The following NOL12 variants were observed in gnomAD, a reference collection of about 807,000 sequenced individuals.
NOL12 encodes the protein nucleolar protein 12.
Under a neutral mutation model 25.2 loss-of-function variants are expected in NOL12, and 21 were observed. The observed-to-expected ratio is 0.83, with a 90% CI of 0.59 to 1.20. NOL12 has a LOEUF of 1.20. Ranked by LOEUF, NOL12 falls within the 50% of genes most tolerant of loss-of-function variation. The pLI is 0.00. For synonymous variants in NOL12, 133 were observed against 113.8 expected (o/e 1.17, Z -1.08); for missense variants, 286 against 287.6 (o/e 0.99, Z 0.04).
In NOL12 at chr22:37,693,425, A is replaced by C. The variant is rs896929382; in HGVS notation, c.*2089A>C. 6.6e-6 allele frequency: 1 copy of C among 152,386 alleles called. No homozygotes were observed. The highest frequency in any genetic ancestry group is 1.5e-5 in the Non-Finnish European group (1 of 68,030). 9.4% of individuals were successfully genotyped at this position (152,386 alleles called of 1,614,324 possible). Reference sequence around the variant, plus strand: ...CCAGTGACAAGGTCATTTACAACTTACATTTACAATTTATAGTGTTTACCA... The same window carrying C: ...CCAGTGACAAGGTCATTTACAACTTCCATTTACAATTTATAGTGTTTACCA... On this transcript the variant is annotated 3_prime_UTR_variant, in exon 6 of 6. Transcript: ENST00000359114.
rs150449184 is a variant in NOL12 at position 37,688,896 on chromosome 22, G to A, written c.285G>A (p.Ser95=). The change falls in exon 4 of 6, where the codon TCG becomes TCA. Residue 95 remains serine (S), a synonymous_variant. Transcript: ENST00000359114. ...GGTTGGTGACAGCAAAGACGGAGTC[G>A]GTGCAGTATGACCACCCCAACCACA... ...LDRLVTAKTE[S]VQYDHPNHTV... 66 of 1,613,956 alleles carry A rather than the reference G, an allele frequency of 4.1e-5. No homozygotes were observed. Among genetic ancestry groups the A allele is most frequent in the African/African-American group, 3.9e-4 (29 of 75,004 alleles).
intron 1 of NOL12, chr22:37,686,714 G>A (rs1456329218): frequency 2.0e-6 from 2 of 985,320 alleles, no homozygotes; most frequent in African/African-American, 3.5e-5. Flanking sequence ...CCGGAAGCTC[G>A]GGTCTCAGAG....
At chr22:37,687,397 C>A (rs945391443) in intron 1 of NOL12, among the ~76,000 whole-genome samples, 7 of 152,232 alleles carry the variant, frequency 4.6e-5, no homozygotes, top group Admixed American at 4.6e-4. Flanking sequence ...GTAACCTAGA[C>A]TCTGTGACTC....
intron 4 of NOL12, 73 bp downstream of exon 4, chr22:37,689,065 G>A (rs1332434004): frequency 3.9e-6 from 6 of 1,537,982 alleles, no homozygotes; most frequent in Non-Finnish European, 5.3e-6. Context: ...CTCAGTGCTG[G>A]CCCATGTCAT....
Position 37,688,890 on chromosome 22 carries a change from G to A in NOL12, c.279G>A (p.Thr93=), listed in dbSNP as rs753142556. Reference sequence around the variant, plus strand: ...TGGACCGGTTGGTGACAGCAAAGACGGAGTCGGTGCAGTATGACCACCCCA... The same window carrying A: ...TGGACCGGTTGGTGACAGCAAAGACAGAGTCGGTGCAGTATGACCACCCCA... ...DELDRLVTAK[T]ESVQYDHPNH... is the part of the protein sequence containing the mutation. The change falls in exon 4 of 6, where the codon ACG becomes ACA. Residue 93 remains threonine, a synonymous_variant. Transcript: ENST00000359114. The A allele has an allele frequency of 2.2e-5, 36 of 1,614,002 alleles. No homozygotes were observed. The highest frequency in any genetic ancestry group is 4.5e-5 in the East Asian group (2 of 44,864).
chr22:37,687,079 A>G lies in NOL12; in HGVS notation c.83+604A>G, dbSNP rs75551372. 1,194 of 985,358 alleles carry G rather than the reference A, an allele frequency of 1.2e-3. 12 individuals carry two copies. In the African/African-American group the frequency reaches 0.019, roughly 16 times the overall value. The allele number at this position is 985,358 out of a possible 1,614,324, so 61.0% of individuals were successfully genotyped here. ...AGGGAAATGCTGGGCATCATCAGGA[A>G]ACTCCTAGCGTGCATCAACAGGCCC... On this transcript the variant is annotated intron_variant, in intron 1 of 5. Coordinates refer to ENST00000359114, the MANE Select transcript of NOL12 (RefSeq NM_024313.3).
chr22:37,687,738 G>A (rs530202690), intron 1 of NOL12, 172 bp from the exon 2 acceptor site: 21 of 524,968 alleles, frequency 4.0e-5, no homozygotes, highest in Admixed American at 6.2e-5. Flanking sequence ...GATTACAGGC[G>A]TGAGCCACCA....
chr22:37,687,857 C>T, intron 1 of NOL12, 53 bp from the exon 2 acceptor site: 1 of 1,384,158 alleles, frequency 7.2e-7, no homozygotes, highest in Non-Finnish European at 1.0e-6. Context: ...TAGAGCGAGC[C>T]CTTCTCTCCT....
rs1921814295 is a variant in NOL12 at position 37,686,407 on chromosome 22, G to A, written c.15G>A (p.Lys5=). 1.2e-6 allele frequency: 2 copies of A among 1,603,682 alleles called. No homozygotes were observed. Among genetic ancestry groups the A allele is most frequent in the Non-Finnish European group, 1.7e-6 (2 of 1,176,132 alleles). Residue 5 remains lysine, a synonymous_variant, in exon 1 of 6, where the codon AAG becomes AAA. Coordinates refer to ENST00000359114, the MANE Select transcript of NOL12 (RefSeq NM_024313.3). ...GCCTCACTGCTATGGGCCGCAACAAGAAGAAGAAGCGAGATGGTGACGACC... is the reference window on the plus strand; with the variant it reads ...GCCTCACTGCTATGGGCCGCAACAAAAAGAAGAAGCGAGATGGTGACGACC... The part of the protein sequence containing the change: MGRN[K]KKKRDGDDRR...
At position 37,692,231 on chromosome 22, in the gene NOL12, CGT is replaced by C. The variant is rs1922104021; in HGVS notation, c.*898_*899del. 2 of 317,400 alleles carry C rather than the reference CGT, an allele frequency of 6.3e-6. No homozygotes were observed. Among genetic ancestry groups the C allele is most frequent in the African/African-American group, 2.1e-5 (1 of 46,916 alleles). The allele number at this position is 317,400 out of a possible 1,614,324, so 19.7% of individuals were successfully genotyped here. A position where few individuals can be genotyped will look rare whatever the true frequency, so the allele number is the denominator to read the frequency against. ...AATTAGCCAGGTGTGGTGGCACACGCGTGTAATCCCAGCTACTTGGGAGGCTG... is the reference window on the plus strand; with the variant it reads ...AATTAGCCAGGTGTGGTGGCACACGCGTAATCCCAGCTACTTGGGAGGCTG... On this transcript the variant is annotated 3_prime_UTR_variant, in exon 6 of 6. Transcript: ENST00000359114.
intron 1 of NOL12, among the ~76,000 whole-genome samples, chr22:37,687,269 C>A (rs866741114): frequency 7.8e-4 from 90 of 115,590 alleles, no homozygotes; most frequent in African/African-American, 1.8e-3. Context: ...CCCCCCCCCC[C>A]ACCCGCCCCA....
rs749748546 is a variant in NOL12, at chr22:37,688,332, G to T, written c.210G>T (p.Lys70Asn). 2 of 1,614,228 alleles carry T rather than the reference G, an allele frequency of 1.2e-6. No homozygotes were observed. The highest frequency in any genetic ancestry group is 1.1e-5 in the South Asian group (1 of 91,082). ...LREERHQEYL[K>N]MLAEREEALE... ...TTCAGCGCCACCAGGAATACTTGAAGATGCTGGCAGAGAGAGAAGAGGCTC... is the reference window on the plus strand; with the variant it reads ...TTCAGCGCCACCAGGAATACTTGAATATGCTGGCAGAGAGAGAAGAGGCTC... The change falls in exon 3 of 6, where the codon AAG becomes AAT. Residue 70 changes from lysine to asparagine, a missense_variant. Coordinates refer to ENST00000359114, the MANE Select transcript of NOL12 (RefSeq NM_024313.3).
At position 37,691,156 on chromosome 22, in the gene NOL12, C is replaced by A; in HGVS notation, c.480-18C>A. ...CCCACAATGCAATCTTAAACTGAGG[C>A]TTTCTGCCCTCCCCTAGGATCTCCT... is the stretch of plus-strand genomic sequence containing the variant. On this transcript the variant is annotated intron_variant, in intron 5 of 5. Transcript: ENST00000359114. The A allele has an allele frequency of 6.3e-7, 1 of 1,590,250 alleles. No individual in the cohort carries two copies. Among genetic ancestry groups the A allele is most frequent in the South Asian group, 1.1e-5 (1 of 88,990 alleles).
Position 37,688,022 on chromosome 22 carries a change from A to G in NOL12, c.189+7A>G, listed in dbSNP as rs199960120. On this transcript the variant is annotated splice_region_variant and intron_variant, in intron 2 of 5. Transcript: ENST00000359114. ...GAGGAAGCTTCGGGAGGAGGTACGC[A>G]GGGGGAAGGTGGGAGGGAGGTCTTT... 0.01 allele frequency: 8,641 copies of G among 844,694 alleles called. 44 individuals carry two copies. Among genetic ancestry groups the G allele is most frequent in the Non-Finnish European group, 0.012 (6,602 of 546,918 alleles). The allele number at this position is 844,694 out of a possible 1,614,324, so 52.3% of individuals were successfully genotyped here. A position where few individuals can be genotyped will look rare whatever the true frequency, so the allele number is the denominator to read the frequency against.
rs750708153 is a variant in NOL12, at chr22:37,690,706, G to A, written c.391G>A (p.Gly131Arg). 1.2e-6 allele frequency: 2 copies of A among 1,612,978 alleles called. No homozygotes were observed. The change falls in exon 5 of 6, where the codon GGA (glycine) becomes AGA (arginine). Residue 131 changes from glycine to arginine, a missense_variant. Transcript: ENST00000359114. Reference sequence around the variant, plus strand: ...TCTTGTGCCTCTTTAGGGAGGGGCTGGAGACAGGTCTGAGGAGGAGGCGTC... The same window carrying A: ...TCTTGTGCCTCTTTAGGGAGGGGCTAGAGACAGGTCTGAGGAGGAGGCGTC... ...LGLTPPEGGA[G>R]DRSEEEASST... is the part of the protein sequence containing the mutation.
At chr22:37,691,030 G>A in intron 5 of NOL12, 144 bp from the exon 6 acceptor site, 1 of 978,102 alleles carries the variant, frequency 1.0e-6, no homozygotes, top group Non-Finnish European at 1.5e-6. Flanking sequence ...TTGCTGGCAG[G>A]CACTCTGGAG....
intron 1 of NOL12, chr22:37,686,751 C>T (rs1295251197): frequency 2.0e-6 from 2 of 985,356 alleles, no homozygotes; most frequent in Admixed American, 6.1e-5. Context: ...CCTAGCCCAG[C>T]CCAGTCCATC....
rs556268538 is a variant in NOL12 at position 37,689,086 on chromosome 22, C to T, written c.381+94C>T. 24 of 1,422,700 alleles carry T rather than the reference C, an allele frequency of 1.7e-5. 1 individual carries two copies. The South Asian group carries it at 2.5e-4, about 15-fold the overall frequency. 88.1% of individuals were successfully genotyped at this position (1,422,700 alleles called of 1,614,324 possible). Reference sequence around the variant, plus strand: ...GCTGGCCCATGTCATGGGTATCCCACTGCCAGCCCTGGGAAGAAGGGGCGT... The same window carrying T: ...GCTGGCCCATGTCATGGGTATCCCATTGCCAGCCCTGGGAAGAAGGGGCGT... On this transcript the variant is annotated intron_variant, in intron 4 of 5. Coordinates refer to ENST00000359114, the MANE Select transcript of NOL12 (RefSeq NM_024313.3).
At chr22:37,687,361 T>C (rs1921866996) in intron 1 of NOL12, among the ~76,000 whole-genome samples, 1 of 149,014 alleles carries the variant, frequency 6.7e-6, no homozygotes, top group Non-Finnish European at 1.5e-5. Context: ...TTTTCCTAAA[T>C]GTATCCTTTC....
Sources: gnomAD v4.1 joint callset for allele counts (sites outside exome capture counted in the v4.1 genomes callset) on GRCh38, gnomAD v4.1.1 for gene constraint, MANE v1.5 for transcripts, NCBI Gene and HGNC (gene_info 2026-07-23, HGNC 2026-07-21) for gene names.